The following CELSR1 variants were observed in gnomAD, a reference collection of about 807,000 sequenced individuals.
CELSR1 encodes adhesion G protein-coupled receptor C1.
Under a neutral mutation model 249.1 loss-of-function variants are expected in CELSR1, and 110 were observed. That is an observed-to-expected ratio of 0.44 (90% confidence interval 0.38 to 0.52). The LOEUF (loss-of-function observed/expected upper bound fraction) is 0.52, where lower values mean the gene tolerates loss of function less well. Among genes scored for constraint, CELSR1 ranks in the 20% least tolerant of loss-of-function variants. The pLI is 0.00. For synonymous variants in CELSR1, 2,113 were observed against 1,900.0 expected (o/e 1.11, Z -2.92); for missense variants, 4,109 against 4,296.4 (o/e 0.96, Z 1.22).
chr22:46,438,242 G>A (rs2079689510), intron 3 of CELSR1, among the ~76,000 whole-genome samples: 1 of 152,216 alleles, frequency 6.6e-6, no homozygotes. Flanking sequence ...GGGGATGAGA[G>A]GCAGCTGGGA....
At chr22:46,525,113 T>C (rs930341808) in intron 1 of CELSR1, among the ~76,000 whole-genome samples, 1 of 152,038 alleles carries the variant, frequency 6.6e-6, no homozygotes, top group South Asian at 2.1e-4. Flanking sequence ...CTGAATTTCC[T>C]CCCAAAACAA....
chr22:46,389,146 C>T, intron 18 of CELSR1, 144 bp downstream of exon 18: 1 of 923,688 alleles, frequency 1.1e-6, no homozygotes, highest in Non-Finnish European at 1.7e-6. Context: ...CCCGCCAGGG[C>T]TCACATTTGA....
intron 1 of CELSR1, among the ~76,000 whole-genome samples, chr22:46,514,150 C>T (rs1337912811): frequency 6.6e-6 from 1 of 152,052 alleles, no homozygotes; most frequent in East Asian, 1.9e-4. Context: ...TCTCACATCC[C>T]AGCACCCACC....
Position 46,534,873 on chromosome 22 carries a change from G to A in CELSR1, c.2298C>T (p.Asp766=), listed in dbSNP as rs776942488. ...CATGCGCAGTGTGCGACCGTGTGCC[G>A]TCGGATGCTGTCACCGCCAGCACGT... The part of the protein sequence containing the change: ...QQYVLAVTAS[D]GTRSHTAHVL... Residue 766 remains aspartate, a synonymous_variant, in exon 1 of 35, where the codon GAC becomes GAT. Coordinates refer to ENST00000674500, the MANE Select transcript of CELSR1 (RefSeq NM_001378328.1). The surrounding 1 kb of genome is among the most constrained non-coding windows in gnomAD (Gnocchi z 9.7). 1.4e-5 allele frequency: 23 copies of A among 1,612,510 alleles called. No individual in the cohort carries two copies. The highest frequency in any genetic ancestry group is 1.6e-4 in the Middle Eastern group (1 of 6,084).
chr22:46,466,803 G>T (rs2080101378), intron 1 of CELSR1, among the ~76,000 whole-genome samples: 1 of 152,200 alleles, frequency 6.6e-6, no homozygotes, highest in South Asian at 2.1e-4. Context: ...AACCCAAGGG[G>T]ATGGGTTTTG....
intron 19 of CELSR1, among the ~76,000 whole-genome samples, chr22:46,386,008 C>T (rs2079029908): frequency 6.7e-6 from 1 of 149,122 alleles, no homozygotes; most frequent in Non-Finnish European, 1.5e-5. Context: ...CTCGCTCTGT[C>T]ACCCATGCTG....
At chr22:46,422,441 G>GA (rs751210078) in intron 5 of CELSR1, among the ~76,000 whole-genome samples, 10 of 149,402 alleles carry the variant, frequency 6.7e-5, no homozygotes, top group African/African-American at 2.4e-4. Flanking sequence ...ATATTTAAAA[G>GA]AAAAAACCAG....
At chr22:46,376,342 C>T (rs113620515) in intron 24 of CELSR1, among the ~76,000 whole-genome samples, 70 of 152,314 alleles carry the variant, frequency 4.6e-4, no homozygotes, top group South Asian at 4.1e-4. Context: ...AATTCTCTAA[C>T]GGTGAGAGGA....
chr22:46,519,743 C>T (rs767095652), intron 1 of CELSR1, among the ~76,000 whole-genome samples: 7 of 152,194 alleles, frequency 4.6e-5, no homozygotes, highest in Admixed American at 1.3e-4. Flanking sequence ...ACGAAGCCTT[C>T]CTTGCACCCA....
chr22:46,488,985 A>G lies in CELSR1; in HGVS notation c.3545-24640T>C, dbSNP rs2080342556. 6.6e-6 allele frequency among the ~76,000 whole-genome samples: 1 copy of G among 152,060 alleles called. No homozygotes were observed. Among genetic ancestry groups the G allele is most frequent in the South Asian group, 2.1e-4 (1 of 4,828 alleles). On this transcript the variant is annotated intron_variant, in intron 1 of 34. Coordinates refer to ENST00000674500, the MANE Select transcript of CELSR1 (RefSeq NM_001378328.1). The surrounding 1 kb of genome is among the most constrained non-coding windows in gnomAD (Gnocchi z 4.7). ...AGCCCTGCCCTTTTGAGCATGCAGC[A>G]GTTGGGGTCACCGTGGCAGTAAGGG...
At chr22:46,458,053 A>AGT (rs2079977562) in intron 2 of CELSR1, among the ~76,000 whole-genome samples, 14 of 152,148 alleles carry the variant, frequency 9.2e-5, no homozygotes, top group African/African-American at 3.4e-4. Flanking sequence ...GTGCAGAGGG[A>AGT]GGAAGGTGAC....
At chr22:46,372,194 A>T in intron 25 of CELSR1, among the ~76,000 whole-genome samples, 1 of 120,884 alleles carries the variant, frequency 8.3e-6, no homozygotes, top group African/African-American at 3.3e-5. Context: ...CCATCTACTC[A>T]CTCACCCCTC....
intron 1 of CELSR1, among the ~76,000 whole-genome samples, chr22:46,511,304 C>T (rs376469041): frequency 4.6e-5 from 7 of 152,178 alleles, no homozygotes; most frequent in East Asian, 1.9e-4. Context: ...GAGAACCACA[C>T]GCAAAGCAGG....
chr22:46,460,611 A>G (rs1464257800), intron 2 of CELSR1, among the ~76,000 whole-genome samples: 3 of 152,194 alleles, frequency 2.0e-5, no homozygotes, highest in African/African-American at 7.2e-5. Flanking sequence ...GAGGAACACC[A>G]GCCCGTGTTT....
intron 1 of CELSR1, among the ~76,000 whole-genome samples, chr22:46,524,568 GTGTCTGTC>G (rs202238878): frequency 3.2e-3 from 185 of 57,234 alleles, no homozygotes; most frequent in African/African-American, 5.1e-3. Context: ...GTGTGTGTGT[GTGTCTGTC>G]TGTCTGTGTG....
Position 46,468,642 on chromosome 22 carries a change from C to T in CELSR1, c.3545-4297G>A, listed in dbSNP as rs940024211. ...CTGTTGTTTAGTGGGTGTGGGGTTT[C>T]AGTTTGGGGCCATGAAAAAGTTCTG... is the stretch of plus-strand genomic sequence containing the variant. On this transcript the variant is annotated intron_variant, in intron 1 of 34. Coordinates refer to ENST00000674500, the MANE Select transcript of CELSR1 (RefSeq NM_001378328.1). This position sits in a 1 kb window ranked among gnomAD's most constrained non-coding sequence, Gnocchi z 4.5. 2.0e-5 allele frequency among the ~76,000 whole-genome samples: 3 copies of T among 152,058 alleles called. No homozygotes were observed. The highest frequency in any genetic ancestry group is 6.6e-5 in the Admixed American group (1 of 15,242).
intron 1 of CELSR1, among the ~76,000 whole-genome samples, chr22:46,504,367 A>G (rs908244893): frequency 2.6e-5 from 4 of 152,050 alleles, no homozygotes; most frequent in African/African-American, 9.7e-5. Context: ...CAAAAAAATT[A>G]GCCGGGTATG....
At chr22:46,426,494 G>A (rs754034923) in intron 5 of CELSR1, among the ~76,000 whole-genome samples, 1 of 152,130 alleles carries the variant, frequency 6.6e-6, no homozygotes, top group Non-Finnish European at 1.5e-5. Context: ...GAAGGGGTGA[G>A]GGGCGGTCTT....
intron 1 of CELSR1, among the ~76,000 whole-genome samples, chr22:46,467,398 C>T (rs936460541): frequency 2.0e-5 from 3 of 152,080 alleles, no homozygotes; most frequent in African/African-American, 4.8e-5. Context: ...TGGACTACTA[C>T]GCTGTCATGA....
Sources: allele counts gnomAD v4.1 joint callset (sites outside exome capture counted in the v4.1 genomes callset), GRCh38; gene constraint gnomAD v4.1.1; non-coding constraint Gnocchi (gnomAD v3.1); transcripts MANE v1.5; gene names NCBI Gene and HGNC (gene_info 2026-07-23, HGNC 2026-07-21).